ITPR1: variants seen among roughly 807,000 people sequenced by gnomAD.
The protein encoded by ITPR1 is inositol 1,4,5-trisphosphate receptor type 1, also known as inositol 1,4,5-trisphosphate-gated calcium channel ITPR1.
A neutral mutation model predicts 318.4 loss-of-function variants in ITPR1; 96 were observed. The observed-to-expected ratio is 0.30, with a 90% CI of 0.26 to 0.36. The LOEUF (loss-of-function observed/expected upper bound fraction) is 0.36. Among genes scored for constraint, ITPR1 ranks in the 10% least tolerant of loss-of-function variants. The pLI, the probability that ITPR1 is intolerant of heterozygous loss-of-function variation, is 1.00. For synonymous variants in ITPR1, 1,312 were observed against 1,289.9 expected, an observed-to-expected ratio of 1.02 and a Z score of -0.37; for missense variants, 2,440 against 3,460.2, an observed-to-expected ratio of 0.71 and a Z score of 7.40.
rs745832405 is a variant in ITPR1, at chr3:4,676,817, A to G, written c.2967+16A>G. The G allele has an allele frequency of 6.9e-6, 11 of 1,601,088 alleles. No individual in the cohort carries two copies. The East Asian group carries it at 2.2e-4, about 33-fold the overall frequency. On this transcript the variant is annotated intron_variant, in intron 24 of 61. Transcript: ENST00000649015. The stretch of plus-strand genomic sequence containing the variant: ...GATACTCCAGGTATCCACTAGCTGG[A>G]GCTGGGGTAGGGAGGGTATGTCACA...
chr3:4,787,986 C>T lies in ITPR1; in HGVS notation c.6655C>T (p.Pro2219Ser). The change falls in exon 52 of 62, where the codon CCC becomes TCC. Residue 2219 changes from proline (P) to serine (S), a missense_variant. Physicochemically the swap from Pro to Ser is moderately conservative, Grantham distance 74. Coordinates refer to ENST00000649015, the MANE Select transcript of ITPR1 (RefSeq NM_001378452.1). ...CCGAACAATGGAACAGATAGTCTTT[C>T]CCGTGCCCAGCATATGTGAATTCCT... ...LDRTMEQIVF[P>S]VPSICEFLTK... is the part of the protein sequence containing the mutation. 1 of 1,612,776 alleles carries T rather than the reference C, an allele frequency of 6.2e-7. No homozygotes were observed. The highest frequency in any genetic ancestry group is 8.5e-7 in the Non-Finnish European group (1 of 1,179,214).
chr3:4,708,130 T>C (rs1452776064), intron 37 of ITPR1, among the ~76,000 whole-genome samples: 2 of 151,950 alleles, frequency 1.3e-5, no homozygotes, highest in African/African-American at 4.8e-5. Context: ...TGAACCAAGA[T>C]GAGAAGGAAC....
intron 52 of ITPR1, 60 bp downstream of exon 52, chr3:4,788,199 T>A: frequency 7.4e-7 from 1 of 1,344,400 alleles, no homozygotes; most frequent in Non-Finnish European, 1.0e-6. Context: ...TTCACAAACT[T>A]GGGCTTGATG....
At chr3:4,647,504 A>G (rs977768746) in intron 10 of ITPR1, among the ~76,000 whole-genome samples, 4 of 152,204 alleles carry the variant, frequency 2.6e-5, no homozygotes, top group African/African-American at 9.7e-5. Flanking sequence ...ATTCAACTTT[A>G]TAAGAAATTG....
intron 5 of ITPR1, among the ~76,000 whole-genome samples, chr3:4,630,010 C>A (rs1201071529): frequency 1.3e-5 from 2 of 151,982 alleles, no homozygotes; most frequent in Admixed American, 1.3e-4. Flanking sequence ...ATTGTACCTT[C>A]TTTAGAGCAA....
At chr3:4,571,930 G>A (rs972414456) in intron 4 of ITPR1, among the ~76,000 whole-genome samples, 1 of 152,068 alleles carries the variant, frequency 6.6e-6, no homozygotes, top group African/African-American at 2.4e-5. Context: ...AATTTTAATT[G>A]TATGCAGTTG....
chr3:4,606,342 A>G (rs1559524793), intron 4 of ITPR1, among the ~76,000 whole-genome samples: 1 of 152,156 alleles, frequency 6.6e-6, no homozygotes, highest in Non-Finnish European at 1.5e-5. Context: ...AGGGTGTCCC[A>G]GGTAGAAAAT....
chr3:4,740,889 C>G (rs1412504046), intron 44 of ITPR1, among the ~76,000 whole-genome samples: 1 of 152,232 alleles, frequency 6.6e-6, no homozygotes, highest in Non-Finnish European at 1.5e-5. Context: ...TTTCTCCCCA[C>G]TCTGGTGCCA....
intron 57 of ITPR1, among the ~76,000 whole-genome samples, chr3:4,813,664 T>G (rs731915): frequency 6.6e-6 from 1 of 151,878 alleles, no homozygotes; most frequent in African/African-American, 2.4e-5. Flanking sequence ...GGAGAGGGAA[T>G]AGTACATCTA....
chr3:4,643,985 G>C, intron 7 of ITPR1, 151 bp from the exon 8 acceptor site: 1 of 582,916 alleles, frequency 1.7e-6, no homozygotes. Flanking sequence ...AGGTTTTAAA[G>C]AAGGCGTGGT....
intron 44 of ITPR1, among the ~76,000 whole-genome samples, chr3:4,764,645 A>G (rs1011758863): frequency 1.3e-5 from 2 of 152,218 alleles, no homozygotes; most frequent in South Asian, 2.1e-4. Flanking sequence ...AGCAGGTGGC[A>G]TTGGTGGTGG....
At chr3:4,751,450 C>T (rs552124520) in intron 44 of ITPR1, 12 of 152,278 alleles carry the variant, frequency 7.9e-5, no homozygotes, top group African/African-American at 2.6e-4. Flanking sequence ...CCATCACATT[C>T]CCACCAGAGC....
At chr3:4,799,458 C>A (rs998579982) in intron 53 of ITPR1, among the ~76,000 whole-genome samples, 1 of 152,084 alleles carries the variant, frequency 6.6e-6, no homozygotes, top group South Asian at 2.1e-4. Context: ...ACTCAATGAA[C>A]TAGGGCAGCC....
At chr3:4,705,717 T>A (rs191801957) in intron 36 of ITPR1, among the ~76,000 whole-genome samples, 1 of 152,210 alleles carries the variant, frequency 6.6e-6, no homozygotes, top group Non-Finnish European at 1.5e-5. Context: ...TTTATGCCAT[T>A]GTGAATGCTA....
chr3:4,647,690 A>T (rs564313347), intron 10 of ITPR1, among the ~76,000 whole-genome samples: 13 of 152,232 alleles, frequency 8.5e-5, no homozygotes, highest in African/African-American at 3.1e-4. Context: ...CCCCTGTTTG[A>T]TTTAGTAGGT....
intron 60 of ITPR1, among the ~76,000 whole-genome samples, chr3:4,827,833 A>G (rs2106523652): frequency 6.6e-6 from 1 of 152,294 alleles, no homozygotes; most frequent in Non-Finnish European, 1.5e-5. Context: ...GACCATCCAC[A>G]TGGCCGATGA....
intron 4 of ITPR1, among the ~76,000 whole-genome samples, chr3:4,589,072 C>G (rs2090166645): frequency 6.6e-6 from 1 of 152,054 alleles, no homozygotes; most frequent in African/African-American, 2.4e-5. Context: ...ACCTGTGCTC[C>G]CAGCTACTTG....
Position 4,826,053 on chromosome 3 carries a change from A to C in ITPR1, c.8028+7811A>C, listed in dbSNP as rs1344519951. Among the ~76,000 whole-genome samples the C allele has an allele frequency of 3.3e-5, 5 of 152,192 alleles. No homozygotes were observed. Among genetic ancestry groups the C allele is most frequent in the Non-Finnish European group, 5.9e-5 (4 of 68,022 alleles). ...GCAGGAGAGAGGAAGGGCGAGTCCA[A>C]CAGGGCGTGCACTTAACCCTGGTCT... On this transcript the variant is annotated intron_variant, in intron 60 of 61. Transcript: ENST00000649015. This position sits in a 1 kb window ranked among gnomAD's most constrained non-coding sequence, Gnocchi z 4.2.
chr3:4,825,763 C>T (rs1029308374), intron 60 of ITPR1: 2 of 456,610 alleles, frequency 4.4e-6, no homozygotes, highest in East Asian at 6.9e-5. Flanking sequence ...CAAGAGAGAG[C>T]CTGTGAAATC....
Sources: gnomAD v4.1 joint callset for allele counts (sites outside exome capture counted in the v4.1 genomes callset) on GRCh38, gnomAD v4.1.1 for gene constraint, Gnocchi (gnomAD v3.1) non-coding constraint, MANE v1.5 for transcripts, NCBI Gene and HGNC (gene_info 2026-07-23, HGNC 2026-07-21) for gene names.